HS3ST2: variants seen among roughly 807,000 people sequenced by gnomAD.
HS3ST2 encodes heparan sulfate glucosamine 3-O-sulfotransferase 2.
In HS3ST2, 17 loss-of-function variants were observed where a neutral mutation model predicts 26.3. The observed-to-expected ratio is 0.65, with a 90% CI of 0.44 to 0.97. The LOEUF (loss-of-function observed/expected upper bound fraction) is 0.97, where lower values mean the gene tolerates loss of function less well. Ranked by LOEUF, HS3ST2 falls within the 50% of genes least tolerant of loss-of-function variation. HS3ST2 has a pLI of 0.00. For synonymous variants in HS3ST2, 237 were observed against 219.2 expected (o/e 1.08, Z -0.72); for missense variants, 402 against 501.2 (o/e 0.80, Z 1.89).
intron 1 of HS3ST2, among the ~76,000 whole-genome samples, chr16:22,873,685 A>T (rs1183766298): frequency 6.6e-6 from 1 of 152,178 alleles, no homozygotes; most frequent in African/African-American, 2.4e-5. Context: ...TTGGGTAACA[A>T]ACCACCCCAA....
intron 1 of HS3ST2, among the ~76,000 whole-genome samples, chr16:22,844,775 G>A (rs1012595248): frequency 1.3e-5 from 2 of 151,932 alleles, no homozygotes; most frequent in Non-Finnish European, 2.9e-5. Context: ...CACCATGATT[G>A]TAAAGCTTCC....
intron 1 of HS3ST2, among the ~76,000 whole-genome samples, chr16:22,879,777 T>C (rs1484179021): frequency 3.1e-4 from 47 of 152,144 alleles, no homozygotes; most frequent in Non-Finnish European, 1.0e-4. Flanking sequence ...ACTGCTGAAT[T>C]CTTCCTCCAA....
chr16:22,898,696 A>G (rs1902240882), intron 1 of HS3ST2, among the ~76,000 whole-genome samples: 1 of 152,208 alleles, frequency 6.6e-6, no homozygotes, highest in South Asian at 2.1e-4. Flanking sequence ...ACATGTGTAT[A>G]GTTTAGGCAG....
chr16:22,906,110 T>C (rs1202320058), intron 1 of HS3ST2, among the ~76,000 whole-genome samples: 1 of 152,112 alleles, frequency 6.6e-6, no homozygotes, highest in Non-Finnish European at 1.5e-5. Context: ...CGGTGGCTCA[T>C]GCCTGTAATC....
intron 1 of HS3ST2, among the ~76,000 whole-genome samples, chr16:22,868,279 T>C (rs1013068047): frequency 6.6e-6 from 1 of 151,732 alleles, no homozygotes; most frequent in Non-Finnish European, 1.5e-5. Flanking sequence ...CGTGGTGGCA[T>C]GCACCCGTAG....
chr16:22,866,370 G>A (rs546085552), intron 1 of HS3ST2, among the ~76,000 whole-genome samples: 24 of 14,928 alleles, frequency 1.6e-3, no homozygotes, highest in African/African-American at 4.1e-3. Context: ...TATGGTGTGC[G>A]TGTGTGTGTG....
intron 1 of HS3ST2, among the ~76,000 whole-genome samples, chr16:22,894,011 T>G (rs966785022): frequency 1.3e-5 from 2 of 152,130 alleles, no homozygotes; most frequent in African/African-American, 4.8e-5. Context: ...TGTAGAGACT[T>G]GGTCTTACTA....
chr16:22,864,882 CAAAAA>C (rs34942780), intron 1 of HS3ST2, among the ~76,000 whole-genome samples: 645 of 57,156 alleles, frequency 0.011, 16 homozygotes, highest in African/African-American at 0.039. Flanking sequence ...CCTGTCTCCA[CAAAAA>C]AAAAAAAAAA....
At chr16:22,914,411 A>G (rs1902462500) in intron 1 of HS3ST2, among the ~76,000 whole-genome samples, 1 of 152,108 alleles carries the variant, frequency 6.6e-6, no homozygotes, top group South Asian at 2.1e-4. Context: ...CCAGGCTTGA[A>G]GCAAACAGGT....
Position 22,915,511 on chromosome 16 carries a change from G to T in HS3ST2, c.1053G>T (p.Pro351=), listed in dbSNP as rs757164474. Residue 351 remains proline, a synonymous_variant, in exon 2 of 2, where the codon CCG becomes CCT. Coordinates refer to ENST00000261374, the MANE Select transcript of HS3ST2 (RefSeq NM_006043.2). ...VIDQLREFYR[P]YNIKFYETVG... ...ACCAGCTCCGAGAATTTTATAGACCGTATAATATCAAATTTTATGAAACCG... is the reference window on the plus strand; with the variant it reads ...ACCAGCTCCGAGAATTTTATAGACCTTATAATATCAAATTTTATGAAACCG... The T allele has an allele frequency of 6.2e-7, 1 of 1,613,834 alleles. No homozygotes were observed. The highest frequency in any genetic ancestry group is 1.1e-5 in the South Asian group (1 of 91,052).
intron 1 of HS3ST2, among the ~76,000 whole-genome samples, chr16:22,856,643 C>G (rs1440963037): frequency 1.3e-5 from 2 of 152,046 alleles, no homozygotes; most frequent in Non-Finnish European, 2.9e-5. Flanking sequence ...TTTGGGAGGT[C>G]CCTCCTGGGG....
chr16:22,915,500 T>C lies in HS3ST2; in HGVS notation c.1042T>C (p.Phe348Leu). 6.2e-7 allele frequency: 1 copy of C among 1,614,004 alleles called. No individual in the cohort carries two copies. The highest frequency in any genetic ancestry group is 8.5e-7 in the Non-Finnish European group (1 of 1,180,008). ...TGAAGTGATAGACCAGCTCCGAGAA[T>C]TTTATAGACCGTATAATATCAAATT... ...DPEVIDQLRE[F>L]YRPYNIKFYE... The change falls in exon 2 of 2, where the codon TTT becomes CTT. Residue 348 changes from phenylalanine to leucine, a missense_variant. By Grantham distance (22) the Phe-to-Leu change is conservative (BLOSUM62 0). This residue lies in a region of HS3ST2 where 237 missense variants were observed against 346.6 expected (regional missense o/e 0.68). Transcript: ENST00000261374.
At chr16:22,848,853 T>A (rs1366654923) in intron 1 of HS3ST2, among the ~76,000 whole-genome samples, 2 of 152,190 alleles carry the variant, frequency 1.3e-5, no homozygotes, top group Admixed American at 1.3e-4. Context: ...GTACCATGCA[T>A]GGTGGTGATT....
intron 1 of HS3ST2, among the ~76,000 whole-genome samples, chr16:22,857,468 G>A (rs1901612093): frequency 6.6e-6 from 1 of 152,132 alleles, no homozygotes; most frequent in South Asian, 2.1e-4. Context: ...TTCCTTTCCA[G>A]CCTCATTTCA....
chr16:22,880,105 A>G (rs952335514), intron 1 of HS3ST2, among the ~76,000 whole-genome samples: 1 of 152,098 alleles, frequency 6.6e-6, no homozygotes, highest in East Asian at 1.9e-4. Context: ...TAACTCTCCT[A>G]TCTTGATTTG....
intron 1 of HS3ST2, among the ~76,000 whole-genome samples, chr16:22,913,015 G>A (rs1902442183): frequency 2.0e-5 from 3 of 151,978 alleles, no homozygotes; most frequent in Non-Finnish European, 4.4e-5. Context: ...AGAATGAGCT[G>A]AGGAACTTTA....
At chr16:22,821,502 G>A (rs571007930) in intron 1 of HS3ST2, among the ~76,000 whole-genome samples, 1 of 152,020 alleles carries the variant, frequency 6.6e-6, no homozygotes, top group South Asian at 2.1e-4. Flanking sequence ...CTTGAGGAGA[G>A]GTCATCTCCA....
chr16:22,884,653 G>GAAA (rs200488676), intron 1 of HS3ST2, among the ~76,000 whole-genome samples: 9 of 140,500 alleles, frequency 6.4e-5, no homozygotes, highest in African/African-American at 1.9e-4. Flanking sequence ...GCAAAATAGA[G>GAAA]AAAAAAATAT....
intron 1 of HS3ST2, among the ~76,000 whole-genome samples, chr16:22,895,753 G>A (rs1014551909): frequency 6.6e-6 from 1 of 151,686 alleles, no homozygotes; most frequent in African/African-American, 2.4e-5. Flanking sequence ...TTGTTATATG[G>A]CCACACAATT....
Sources: allele counts gnomAD v4.1 joint callset (sites outside exome capture counted in the v4.1 genomes callset), GRCh38; gene constraint gnomAD v4.1.1; regional missense constraint gnomAD v4.1.1; transcripts MANE v1.5; gene names NCBI Gene and HGNC (gene_info 2026-07-23, HGNC 2026-07-21).